Variants in NEB observed in about 807,000 individuals in gnomAD.
NEB encodes nebulin, also known as nemaline myopathy type 2.
Under a neutral mutation model 952.2 loss-of-function variants are expected in NEB, and 512 were observed. The ratio of observed to expected loss-of-function variants is 0.54; its 90% confidence interval spans 0.50 to 0.58. NEB has a LOEUF of 0.58. Ranked by LOEUF, NEB falls within the 20% of genes least tolerant of loss-of-function variation. The pLI is 0.00. For synonymous variants in NEB, 2,900 were observed against 3,149.8 expected (o/e 0.92, Z 2.66); for missense variants, 8,428 against 9,231.1 (o/e 0.91, Z 3.56).
In NEB at chr2:151,633,967, TAA is replaced by T. The variant is rs749056839; in HGVS notation, c.9103-4_9103-3del. Reference sequence around the variant, plus strand: ...GCAGTAACCATCTTTATATTTGTACTAAAATGAAAATGCACAAATCAGGTTTT... The same window carrying T: ...GCAGTAACCATCTTTATATTTGTACTAATGAAAATGCACAAATCAGGTTTT... On this transcript the variant is annotated splice_region_variant and splice_polypyrimidine_tract_variant and intron_variant, in intron 64 of 181. Coordinates refer to ENST00000397345, the MANE Select transcript of NEB (RefSeq NM_001164508.2). 1.7e-5 allele frequency: 27 copies of T among 1,609,564 alleles called. No homozygotes were observed. In the East Asian group the frequency reaches 5.8e-4, roughly 35 times the overall value.
intron 116 of NEB, 117 bp downstream of exon 116, chr2:151,565,384 G>T: frequency 1.2e-6 from 1 of 808,202 alleles, no homozygotes; most frequent in Non-Finnish European, 2.1e-6. Flanking sequence ...GATGATCTTA[G>T]AATTTACCAC....
intron 42 of NEB, 116 bp from the exon 43 acceptor site, chr2:151,664,979 T>C (rs2099194967): frequency 1.3e-6 from 1 of 765,546 alleles, no homozygotes; most frequent in African/African-American, 1.8e-5. Flanking sequence ...TATTAGAAAA[T>C]GGATGAAATA....
intron 9 of NEB, among the ~76,000 whole-genome samples, chr2:151,721,312 C>T (rs1214763627): frequency 2.6e-5 from 4 of 152,104 alleles, no homozygotes; most frequent in Admixed American, 1.3e-4. Context: ...ATTACCGTTC[C>T]ATGTCGAAGC....
intron 11 of NEB, among the ~76,000 whole-genome samples, chr2:151,710,145 T>G (rs1166484484): frequency 6.6e-6 from 1 of 152,110 alleles, no homozygotes; most frequent in African/African-American, 2.4e-5. Flanking sequence ...TTAAAAAGAG[T>G]CCCTTTAACT....
chr2:151,565,425 A>G, intron 116 of NEB, 76 bp downstream of exon 116: 1 of 1,040,248 alleles, frequency 9.6e-7, no homozygotes, highest in Non-Finnish European at 1.5e-6. Context: ...AATTATCTAA[A>G]GTTAAGCTAA....
Position 151,627,528 on chromosome 2 carries a change from T to C in NEB, c.10138A>G (p.Ser3380Gly). The C allele has an allele frequency of 6.2e-7, 1 of 1,613,786 alleles. No individual in the cohort carries two copies. The highest frequency in any genetic ancestry group is 1.1e-5 in the South Asian group (1 of 91,076). The change falls in exon 69 of 182, where the codon AGC (serine) becomes GGC (glycine). Residue 3380 changes from serine to glycine, a missense_variant. Transcript: ENST00000397345. The stretch of plus-strand genomic sequence containing the variant: ...CATGGATCTTAATTACTCACATCGC[T>C]CTGGAGGTCATAGGCCTGCCGAGCA... ...IHARQAYDLQ[S>G]DNIYKSDLQW...
intron 138 of NEB, among the ~76,000 whole-genome samples, chr2:151,539,586 G>A (rs1245238691): frequency 6.6e-6 from 1 of 152,176 alleles, no homozygotes; most frequent in African/African-American, 2.4e-5. Flanking sequence ...CTAGGGGTGT[G>A]GCTCTGGTAA....
At chr2:151,518,246 T>C in intron 156 of NEB, 72 bp downstream of exon 156, 1 of 1,069,418 alleles carries the variant, frequency 9.4e-7, no homozygotes, top group Non-Finnish European at 1.5e-6. Flanking sequence ...GGAGGGAATC[T>C]ATGAAATTTT....
intron 81 of NEB, 41 bp downstream of exon 81, chr2:151,609,768 C>A (rs1212844569): frequency 6.5e-7 from 1 of 1,529,716 alleles, no homozygotes; most frequent in East Asian, 2.3e-5. Context: ...AACAAATCTA[C>A]ATCTTCCCCT....
chr2:151,698,717 A>G (rs998705514), intron 13 of NEB, among the ~76,000 whole-genome samples: 88 of 148,662 alleles, frequency 5.9e-4, no homozygotes, highest in Admixed American at 2.7e-3. Context: ...GGCTCACTGC[A>G]AGCTCTGCCT....
chr2:151,731,352 A>C (rs2099807978), intron 3 of NEB, among the ~76,000 whole-genome samples: 1 of 152,134 alleles, frequency 6.6e-6, no homozygotes, highest in Non-Finnish European at 1.5e-5. Context: ...TTTCAAGTTT[A>C]AGTTAGAGTA....
chr2:151,571,877 G>A (rs980845798), intron 107 of NEB, among the ~76,000 whole-genome samples: 2 of 152,194 alleles, frequency 1.3e-5, no homozygotes, highest in Admixed American at 1.3e-4. Context: ...GCTTTTGCAT[G>A]TCTGAAAAAT....
chr2:151,542,246 T>G lies in NEB; in HGVS notation c.20578-695A>C, dbSNP rs191421788. On this transcript the variant is annotated intron_variant, in intron 135 of 181. Coordinates refer to ENST00000397345, the MANE Select transcript of NEB (RefSeq NM_001164508.2). ...CAGCCTTCCTCTGGTTCTGCCCTCATGCAAAGGCTGCTGTTAACTGGGGTG... is the reference window on the plus strand; with the variant it reads ...CAGCCTTCCTCTGGTTCTGCCCTCAGGCAAAGGCTGCTGTTAACTGGGGTG... Among the ~76,000 whole-genome samples the G allele has an allele frequency of 2.3e-3, 356 of 152,294 alleles. 3 individuals are homozygous for G. The highest frequency in any genetic ancestry group is 8.1e-3 in the African/African-American group (335 of 41,550).
intron 13 of NEB, among the ~76,000 whole-genome samples, chr2:151,698,313 G>A (rs953252939): frequency 6.6e-6 from 1 of 151,870 alleles, no homozygotes; most frequent in African/African-American, 2.4e-5. Context: ...TGTTTACAGA[G>A]TTGTGCAACT....
intron 153 of NEB, among the ~76,000 whole-genome samples, chr2:151,522,349 G>A (rs2082494891): frequency 6.6e-6 from 1 of 152,100 alleles, no homozygotes; most frequent in Admixed American, 6.5e-5. Context: ...CCAATCTTCA[G>A]TATATTAAAA....
chr2:151,663,593 G>A lies in NEB; in HGVS notation c.5718C>T (p.Ala1906=), dbSNP rs115379999. ...TATTTTTGGCCAATTCAAAGCTCAT[G>A]GCATCAGGAAGCATGTTGTAGGTAT... ...VIHTYNMLPD[A]MSFELAKNMM... Residue 1906 remains alanine, a synonymous_variant, in exon 45 of 182, where the codon GCC becomes GCT. Coordinates refer to ENST00000397345, the MANE Select transcript of NEB (RefSeq NM_001164508.2). 510 of 1,613,088 alleles carry A rather than the reference G, an allele frequency of 3.2e-4. 4 individuals are homozygous for A. In the African/African-American group the frequency reaches 6.4e-3, roughly 20 times the overall value.
intron 145 of NEB, among the ~76,000 whole-genome samples, chr2:151,530,019 A>G (rs972888985): frequency 5.9e-5 from 9 of 152,264 alleles, no homozygotes; most frequent in Non-Finnish European, 1.2e-4. Context: ...GTGCTCCGGC[A>G]GTTATAGCTA....
At chr2:151,539,794 T>C (rs912828223) in intron 138 of NEB, among the ~76,000 whole-genome samples, 4 of 152,236 alleles carry the variant, frequency 2.6e-5, no homozygotes, top group Non-Finnish European at 5.9e-5. Flanking sequence ...GTGTCATGCA[T>C]CATTCACATG....
chr2:151,513,508 CAGAG>C (rs756406274), intron 160 of NEB, 68 bp downstream of exon 160: 2 of 1,091,910 alleles, frequency 1.8e-6, no homozygotes, highest in Non-Finnish European at 2.7e-6. Flanking sequence ...AATCAGATGA[CAGAG>C]GGACACTTTA....
Sources: allele counts gnomAD v4.1 joint callset (sites outside exome capture counted in the v4.1 genomes callset), GRCh38; gene constraint gnomAD v4.1.1; transcripts MANE v1.5; gene names NCBI Gene and HGNC (gene_info 2026-07-23, HGNC 2026-07-21).